RHBDF2: variants seen among roughly 807,000 people sequenced by gnomAD.
RHBDF2 encodes the protein inactive rhomboid protein 2.
RHBDF2 carries 38 observed loss-of-function variants against 95.2 expected under a neutral mutation model. The observed-to-expected ratio is 0.40, with a 90% CI of 0.31 to 0.52. The LOEUF is 0.52. Among genes scored for constraint, RHBDF2 ranks in the 20% least tolerant of loss-of-function variants. The pLI, the probability that RHBDF2 is intolerant of heterozygous loss-of-function variation, is 0.56. For synonymous variants in RHBDF2, 442 were observed against 462.0 expected (o/e 0.96, Z 0.55); for missense variants, 863 against 1,137.7 (o/e 0.76, Z 3.47).
chr17:76,479,897 C>T (rs1215439798), intron 3 of RHBDF2, 43 bp from the exon 4 acceptor site: 1 of 1,607,494 alleles, frequency 6.2e-7, no homozygotes, highest in South Asian at 1.1e-5. Context: ...TGTGTGCAGC[C>T]CAGGTCCTGG....
chr17:76,481,887 G>T, intron 2 of RHBDF2: 1 of 203,204 alleles, frequency 4.9e-6, no homozygotes, highest in Non-Finnish European at 1.0e-5. Flanking sequence ...GGAGGCAGCG[G>T]TTATAGTAAG....
intron 1 of RHBDF2, among the ~76,000 whole-genome samples, chr17:76,498,793 T>A (rs906168867): frequency 1.3e-4 from 12 of 91,610 alleles, no homozygotes; most frequent in African/African-American, 8.7e-4. Flanking sequence ...AAAGAGAGTG[T>A]GTGTGTGTGT....
chr17:76,474,358 A>C lies in RHBDF2; in HGVS notation c.1464+15T>G, dbSNP rs1453595311. 1.2e-6 allele frequency: 2 copies of C among 1,607,556 alleles called. No homozygotes were observed. The highest frequency in any genetic ancestry group is 1.7e-6 in the Non-Finnish European group (2 of 1,176,592). On this transcript the variant is annotated intron_variant, in intron 12 of 18. Coordinates refer to ENST00000675367, the MANE Select transcript of RHBDF2 (RefSeq NM_001005498.4). Reference sequence around the variant, plus strand: ...CCAGGGTCTGGCAGGGGTAGGAGGGAGGGCCTGCCCCCACCGAGCAGTCCT... The same window carrying C: ...CCAGGGTCTGGCAGGGGTAGGAGGGCGGGCCTGCCCCCACCGAGCAGTCCT...
chr17:76,479,673 C>T, intron 4 of RHBDF2, 60 bp downstream of exon 4: 1 of 1,336,236 alleles, frequency 7.5e-7, no homozygotes, highest in Non-Finnish European at 1.0e-6. Flanking sequence ...CATGTCCAGG[C>T]CCCGAGAATC....
At chr17:76,473,200 C>T (rs1215845088) in intron 16 of RHBDF2, 52 bp downstream of exon 16, 47 of 1,593,430 alleles carry the variant, frequency 2.9e-5, no homozygotes, top group Non-Finnish European at 6.0e-6. Flanking sequence ...CCCCAGCAGG[C>T]TGCCATGCCC....
intron 12 of RHBDF2, 52 bp from the exon 13 acceptor site, chr17:76,474,194 C>T (rs186983686): frequency 2.1e-5 from 29 of 1,402,700 alleles, no homozygotes; most frequent in Admixed American, 9.4e-5. Flanking sequence ...GTCACCCCCA[C>T]TGGAGTGGGC....
At chr17:76,484,553 TCA>T (rs1352472072) in intron 2 of RHBDF2, among the ~76,000 whole-genome samples, 1 of 147,674 alleles carries the variant, frequency 6.8e-6, no homozygotes, top group Non-Finnish European at 1.5e-5. Context: ...CTCCACTCTC[TCA>T]ATTCCTCTAC....
Position 76,472,045 on chromosome 17 carries a change from G to A in RHBDF2, c.2072C>T (p.Pro691Leu), listed in dbSNP as rs1253559551. The change falls in exon 19 of 19, where the codon CCG (proline) becomes CTG (leucine). Residue 691 changes from proline to leucine, a missense_variant. By Grantham distance (98) the Pro-to-Leu change is moderately conservative. Around this residue, in one of 2 missense-constraint regions of RHBDF2, gnomAD observed 252 missense variants for 412.2 expected, o/e 0.61. Transcript: ENST00000675367. The part of the protein sequence containing the change: ...IFLPYRAEVG[P>L]AGSQFGLLAC... ...GAGGAGGCCGAACTGTGAGCCGGCC[G>A]GGCCCACCTGGGGCGGGGCAGGGGA... is the stretch of plus-strand genomic sequence containing the variant. The A allele has an allele frequency of 4.5e-6, 7 of 1,559,376 alleles. No individual in the cohort carries two copies. Among genetic ancestry groups the A allele is most frequent in the African/African-American group, 4.1e-5 (3 of 73,938 alleles).
Position 76,471,954 on chromosome 17 carries a change from G to A in RHBDF2, c.2163C>T (p.Leu721=). The A allele has an allele frequency of 6.4e-7, 1 of 1,571,552 alleles. No homozygotes were observed. The highest frequency in any genetic ancestry group is 8.6e-7 in the Non-Finnish European group (1 of 1,158,234). Residue 721 remains leucine (L), a synonymous_variant, in exon 19 of 19, where the codon CTC becomes CTT. Coordinates refer to ENST00000675367, the MANE Select transcript of RHBDF2 (RefSeq NM_001005498.4). ...GGAAGAGCACGATGGCCGAGAGGTT[G>A]AGGAAGGCCTTCCAGGGCCTCTCCA... The part of the protein sequence containing the change: ...PLLERPWKAF[L]NLSAIVLFLF...
chr17:76,480,183 A>G (rs531537589), intron 3 of RHBDF2, among the ~76,000 whole-genome samples: 15 of 142,914 alleles, frequency 1.0e-4, no homozygotes, highest in African/African-American at 3.9e-4. Context: ...CCCAGGTTCA[A>G]GCGATTCTTC....
intron 2 of RHBDF2, among the ~76,000 whole-genome samples, chr17:76,486,076 G>GTACA: frequency 1.4e-5 from 1 of 72,526 alleles, no homozygotes; most frequent in Non-Finnish European, 2.5e-5. Flanking sequence ...GTATATATAT[G>GTACA]TACACACACA....
chr17:76,476,584 G>C, intron 9 of RHBDF2: 1 of 528,060 alleles, frequency 1.9e-6, no homozygotes, highest in East Asian at 3.3e-5. Flanking sequence ...TGCTGTCTGG[G>C]AGCAAGGCTG....
chr17:76,473,663 A>G lies in RHBDF2; in HGVS notation c.1718T>C (p.Ile573Thr). The G allele has an allele frequency of 1.9e-6, 3 of 1,609,772 alleles. No homozygotes were observed. The highest frequency in any genetic ancestry group is 2.5e-6 in the Non-Finnish European group (3 of 1,178,526). ...DCEIKGRPCC[I>T]GTKGSCEITT... ...GGTCGCTCACCTGCCCTTGGTGCCG[A>G]TGCAGCAGGGGCGGCCCTTGATCTC... Residue 573 changes from isoleucine (I) to threonine (T), a missense_variant, in exon 15 of 19, where the codon ATC becomes ACC. Physicochemically the swap from Ile to Thr is moderately conservative, Grantham distance 89. Coordinates refer to ENST00000675367, the MANE Select transcript of RHBDF2 (RefSeq NM_001005498.4).
At chr17:76,480,852 C>T (rs1027253211) in intron 3 of RHBDF2, among the ~76,000 whole-genome samples, 1 of 152,208 alleles carries the variant, frequency 6.6e-6, no homozygotes, top group African/African-American at 2.4e-5. Context: ...ACATCGCTTC[C>T]CTTTATACTC....
intron 10 of RHBDF2, 68 bp downstream of exon 10, chr17:76,474,962 G>A: frequency 1.4e-6 from 2 of 1,461,796 alleles, no homozygotes; most frequent in Non-Finnish European, 1.9e-6. Flanking sequence ...GGAGGGATTA[G>A]GTACCCACGA....
chr17:76,473,228 T>C (rs1346525552), intron 16 of RHBDF2, 24 bp downstream of exon 16: 6 of 1,608,516 alleles, frequency 3.7e-6, no homozygotes, highest in East Asian at 2.2e-5. Context: ...TCTCCTCCAC[T>C]ACTCCAGGCC....
chr17:76,481,389 T>C lies in RHBDF2; in HGVS notation c.136A>G (p.Ser46Gly), dbSNP rs1274321510. The change falls in exon 3 of 19, where the codon AGC becomes GGC. Residue 46 changes from serine to glycine, a missense_variant. By Grantham distance (56) the Ser-to-Gly change is moderately conservative. Coordinates refer to ENST00000675367, the MANE Select transcript of RHBDF2 (RefSeq NM_001005498.4). ...KETQAPGEQD[S>G]MLPERKNPAY... ...AGCCCCCTTACCTCAGGCAGCATGCTGTCCTGCTCGCCAGGGGCCTGGGTC... is the reference window on the plus strand; with the variant it reads ...AGCCCCCTTACCTCAGGCAGCATGCCGTCCTGCTCGCCAGGGGCCTGGGTC... 5 of 1,611,984 alleles carry C rather than the reference T, an allele frequency of 3.1e-6. No individual in the cohort carries two copies. In the African/African-American group the frequency reaches 6.7e-5, roughly 22 times the overall value.
chr17:76,493,251 G>A lies in RHBDF2; in HGVS notation c.-219-5342C>T, dbSNP rs1385570461. ...GCCTGTGGCCCTGCTGGGAACCAGG[G>A]CATTTTTAGAAAGCTGCAAAGAGGA... On this transcript the variant is annotated intron_variant, in intron 1 of 18. Transcript: ENST00000675367. 4 of 152,294 alleles carry A rather than the reference G, an allele frequency of 2.6e-5. 1 individual carries two copies. Among genetic ancestry groups the A allele is most frequent in the Non-Finnish European group, 5.9e-5 (4 of 68,092 alleles). 9.4% of individuals were successfully genotyped at this position (152,294 alleles called of 1,614,324 possible).
chr17:76,483,131 C>T (rs544881020), intron 2 of RHBDF2, among the ~76,000 whole-genome samples: 2 of 152,190 alleles, frequency 1.3e-5, no homozygotes, highest in Admixed American at 1.3e-4. Flanking sequence ...CTCATTGCAC[C>T]CTCCACCTCC....
Sources: allele counts gnomAD v4.1 joint callset (sites outside exome capture counted in the v4.1 genomes callset), GRCh38; gene constraint gnomAD v4.1.1; regional missense constraint gnomAD v4.1.1; transcripts MANE v1.5; gene names NCBI Gene and HGNC (gene_info 2026-07-23, HGNC 2026-07-21).